The following PPP2R2C variants were observed in gnomAD, a reference collection of about 807,000 sequenced individuals.
PPP2R2C encodes the protein protein phosphatase 2, regulatory subunit B, gamma.
In PPP2R2C, 10 loss-of-function variants were observed where a neutral mutation model predicts 45.3. The observed-to-expected ratio is 0.22, with a 90% confidence interval of 0.14 to 0.37. PPP2R2C has a LOEUF of 0.37. Among genes scored for constraint, PPP2R2C ranks in the 10% least tolerant of loss-of-function variants. The pLI is 1.00. For missense variants in PPP2R2C, 308 were observed against 619.7 expected, an observed-to-expected ratio of 0.50 and a Z score of 5.34; for synonymous variants, 257 against 245.4, an observed-to-expected ratio of 1.05 and a Z score of -0.44.
chr4:6,389,161 C>T (rs1716429292), intron 1 of PPP2R2C, among the ~76,000 whole-genome samples: 1 of 152,198 alleles, frequency 6.6e-6, no homozygotes, highest in Non-Finnish European at 1.5e-5. Flanking sequence ...TGGGAATTGA[C>T]ATCCCTGCCT....
At position 6,472,376 on chromosome 4, in the gene PPP2R2C, GGGGAC is replaced by G; in HGVS notation, c.-152_-148del. 9.6e-7 allele frequency: 1 copy of G among 1,039,086 alleles called. No homozygotes were observed. The highest frequency in any genetic ancestry group is 1.2e-6 in the Non-Finnish European group (1 of 862,354). The allele number at this position is 1,039,086 out of a possible 1,614,324, so 64.4% of individuals were successfully genotyped here. On this transcript the variant is annotated 5_prime_UTR_variant, in exon 1 of 9. Transcript: ENST00000382599. The stretch of plus-strand genomic sequence containing the variant: ...CCCCGAAGGGAGGGCATCGCGGCAG[GGGGAC>G]GGGCGGGGGCGGCCGGGGGCGGGCG...
At chr4:6,357,695 C>T (rs891270813) in intron 5 of PPP2R2C, among the ~76,000 whole-genome samples, 7 of 152,218 alleles carry the variant, frequency 4.6e-5, no homozygotes, top group Non-Finnish European at 1.0e-4. Context: ...CCCGGTCCCC[C>T]ATCCACAGTA....
In PPP2R2C at chr4:6,432,095, G is replaced by A. The variant is rs965606540; in HGVS notation, c.70+40065C>T. ...ACCTTAAGGCTTAATTTCAATATAC[G>A]AATTTGGGAGAAACCAGACCTTCAG... On this transcript the variant is annotated intron_variant, in intron 1 of 8. Transcript: ENST00000382599. Among the ~76,000 whole-genome samples, 22 of 152,244 alleles carry A rather than the reference G, an allele frequency of 1.4e-4. 1 individual carries two copies. Among genetic ancestry groups the A allele is most frequent in the Admixed American group, 9.8e-4 (15 of 15,306 alleles).
At chr4:6,542,073 A>T (rs1009560139) in intron 1 of PPP2R2C, among the ~76,000 whole-genome samples, 3 of 152,268 alleles carry the variant, frequency 2.0e-5, no homozygotes, top group African/African-American at 2.4e-5. Flanking sequence ...GAAAGACCAC[A>T]GTACCCTCCA....
rs760708551 is a variant in PPP2R2C, at chr4:6,330,728, A to T, written c.961-1375T>A. On this transcript the variant is annotated intron_variant, in intron 7 of 8. Coordinates refer to ENST00000382599, the MANE Select transcript of PPP2R2C (RefSeq NM_020416.4). The surrounding 1 kb of genome is among the most constrained non-coding windows in gnomAD (Gnocchi z 7.0). ...TGGTTCTGTTTCTCTGAGCCATCTG[A>T]CTAATATGGTGGCAAGGACTACACA... Among the ~76,000 whole-genome samples the T allele has an allele frequency of 1.3e-5, 2 of 152,062 alleles. No homozygotes were observed. Among genetic ancestry groups the T allele is most frequent in the Non-Finnish European group, 2.9e-5 (2 of 67,976 alleles).
intron 5 of PPP2R2C, chr4:6,350,260 C>T (rs147239705): frequency 1.3e-5 from 13 of 985,460 alleles, no homozygotes; most frequent in Middle Eastern, 5.2e-4. Flanking sequence ...CCTCCCAGGC[C>T]GAATGCCTCC....
intron 1 of PPP2R2C, among the ~76,000 whole-genome samples, chr4:6,404,890 C>T (rs539756996): frequency 8.5e-5 from 13 of 152,330 alleles, no homozygotes; most frequent in South Asian, 2.1e-4. Flanking sequence ...CGGTCAGGTC[C>T]GCCCTGCCCC....
chr4:6,511,003 A>AAAAAAAAC (rs1560592977), intron 2 of PPP2R2C, among the ~76,000 whole-genome samples: 1 of 148,748 alleles, frequency 6.7e-6, no homozygotes, highest in African/African-American at 2.6e-5. Flanking sequence ...ACAAACAAAA[A>AAAAAAAAC]AAAAAACAGA....
chr4:6,491,799 A>G (rs73086182), intron 2 of PPP2R2C, among the ~76,000 whole-genome samples: 4,583 of 152,172 alleles, frequency 0.03, 230 homozygotes, highest in African/African-American at 0.1. Flanking sequence ...ATATGTGCCT[A>G]CTTCCCCTTG....
In PPP2R2C at chr4:6,329,098, G is replaced by T. The variant is rs988901004; in HGVS notation, c.1052+164C>A. Reference sequence around the variant, plus strand: ...GTCCTGCCCCTTGAATCTGAGCGCTGAGAGTTGGACCTGCTCTGGAAAGCG... The same window carrying T: ...GTCCTGCCCCTTGAATCTGAGCGCTTAGAGTTGGACCTGCTCTGGAAAGCG... On this transcript the variant is annotated intron_variant, in intron 8 of 8. Transcript: ENST00000382599. This position sits in a 1 kb window ranked among gnomAD's most constrained non-coding sequence, Gnocchi z 5.8. 2.0e-5 allele frequency among the ~76,000 whole-genome samples: 3 copies of T among 152,216 alleles called. No individual in the cohort carries two copies. The highest frequency in any genetic ancestry group is 2.9e-5 in the Non-Finnish European group (2 of 68,036).
chr4:6,435,119 G>T (rs1719830446), intron 1 of PPP2R2C, among the ~76,000 whole-genome samples: 1 of 151,808 alleles, frequency 6.6e-6, no homozygotes, highest in Non-Finnish European at 1.5e-5. Flanking sequence ...TTATCTCCAG[G>T]GACACCAATT....
intron 2 of PPP2R2C, among the ~76,000 whole-genome samples, chr4:6,479,739 T>C (rs2108777536): frequency 6.6e-6 from 1 of 152,226 alleles, no homozygotes; most frequent in South Asian, 2.1e-4. Flanking sequence ...AGACCTTTTT[T>C]TTTTTGTATT....
chr4:6,344,220 A>C (rs983071348), intron 6 of PPP2R2C, among the ~76,000 whole-genome samples: 7 of 152,236 alleles, frequency 4.6e-5, no homozygotes, highest in African/African-American at 1.7e-4. Context: ...AGAGGAGTGG[A>C]ATCTGCCGAG....
In PPP2R2C at chr4:6,453,789, T is replaced by G. The variant is rs115627600; in HGVS notation, c.70+18371A>C. Reference sequence around the variant, plus strand: ...TGCTCTGCACTCCTCCCTACTGCAGTGGCCCTGGCAAGAAGGCAAGCACAG... The same window carrying G: ...TGCTCTGCACTCCTCCCTACTGCAGGGGCCCTGGCAAGAAGGCAAGCACAG... On this transcript the variant is annotated intron_variant, in intron 1 of 8. Transcript: ENST00000382599. 5.4e-3 allele frequency among the ~76,000 whole-genome samples: 827 copies of G among 152,276 alleles called. 8 individuals carry two copies. Among genetic ancestry groups the G allele is most frequent in the African/African-American group, 0.019 (784 of 41,548 alleles).
rs375345987 is a variant in PPP2R2C, at chr4:6,522,741, C to T, written c.49+12530G>A. ...TGCTGAGGTCTCAGCAGGGGTCTGC[C>T]CTGGGGCCCTTCTCCTTGGCCCCTG... On this transcript the variant is annotated intron_variant, in intron 2 of 9. Transcript: ENST00000506140. 5.2e-5 allele frequency among the ~76,000 whole-genome samples: 8 copies of T among 152,388 alleles called. 1 individual carries two copies. Among genetic ancestry groups the T allele is most frequent in the African/African-American group, 1.9e-4 (8 of 41,596 alleles).
intron 1 of PPP2R2C, among the ~76,000 whole-genome samples, chr4:6,447,601 G>A (rs530043541): frequency 2.7e-5 from 4 of 150,850 alleles, no homozygotes; most frequent in South Asian, 2.1e-4. Flanking sequence ...GCTTTAGGGG[G>A]GTTGCAAGAG....
In PPP2R2C at chr4:6,392,916, G is replaced by C. The variant is rs577827975; in HGVS notation, c.71-11822C>G. 8.5e-5 allele frequency among the ~76,000 whole-genome samples: 13 copies of C among 152,268 alleles called. No homozygotes were observed. In the South Asian group the frequency reaches 2.7e-3, roughly 32 times the overall value. ...AGCAGACCCTCACTGGGCAGGCAGC[G>C]AATGAAAGGAAGCTCTCCATCCCAC... On this transcript the variant is annotated intron_variant, in intron 1 of 8. Coordinates refer to ENST00000382599, the MANE Select transcript of PPP2R2C (RefSeq NM_020416.4).
At chr4:6,513,430 A>G (rs1723734150) in intron 2 of PPP2R2C, among the ~76,000 whole-genome samples, 1 of 152,142 alleles carries the variant, frequency 6.6e-6, no homozygotes, top group Non-Finnish European at 1.5e-5. Context: ...GGAGCCCCAG[A>G]GAAGGGTCCT....
chr4:6,529,908 G>A (rs1475766922), intron 2 of PPP2R2C, among the ~76,000 whole-genome samples: 2 of 152,186 alleles, frequency 1.3e-5, no homozygotes, highest in Non-Finnish European at 2.9e-5. Context: ...GGAGGGGACA[G>A]CAGCGAATGG....
Sources: allele counts gnomAD v4.1 joint callset (sites outside exome capture counted in the v4.1 genomes callset), GRCh38; gene constraint gnomAD v4.1.1; non-coding constraint Gnocchi (gnomAD v3.1); transcripts MANE v1.5; gene names NCBI Gene and HGNC (gene_info 2026-07-23, HGNC 2026-07-21).